The following STK11 variants were observed in gnomAD, a reference collection of about 807,000 sequenced individuals.
STK11 encodes serine/threonine-protein kinase STK11.
In STK11, 8 loss-of-function variants were observed where a neutral mutation model predicts 47.3. The ratio of observed to expected loss-of-function variants is 0.17; its 90% confidence interval spans 0.10 to 0.31. The LOEUF is 0.31. STK11 is among the 10% of genes least tolerant of loss of function. The pLI is 1.00. For missense variants in STK11, 475 were observed against 605.0 expected (o/e 0.79, Z 2.25); for synonymous variants, 330 against 255.8 (o/e 1.29, Z -2.77).
intron 1 of STK11, 127 bp downstream of exon 1, chr19:1,207,330 G>T: frequency 1.5e-6 from 2 of 1,305,450 alleles, no homozygotes; most frequent in Non-Finnish European, 2.1e-6. Context: ...GACCCGTCTG[G>T]CGCCTGTGTC....
At chr19:1,210,430 T>TGGG (rs901643256) in intron 1 of STK11, among the ~76,000 whole-genome samples, 6 of 151,026 alleles carry the variant, frequency 4.0e-5, no homozygotes, top group African/African-American at 1.5e-4. Flanking sequence ...CCAAGGGGGG[T>TGGG]GGGTTGGGGC....
At chr19:1,208,983 G>GT (rs2080690666) in intron 1 of STK11, among the ~76,000 whole-genome samples, 1 of 152,122 alleles carries the variant, frequency 6.6e-6, no homozygotes, top group Non-Finnish European at 1.5e-5. Context: ...AGGCTCTGAA[G>GT]TTTGTACTCT....
chr19:1,221,437 G>A (rs1348145745), intron 6 of STK11, 97 bp downstream of exon 6: 5 of 1,453,670 alleles, frequency 3.4e-6, no homozygotes, highest in East Asian at 2.5e-5. Flanking sequence ...TATTGGCCCC[G>A]AGACCCCAGC....
intron 8 of STK11, chr19:1,225,587 C>G (rs1457658036): frequency 3.0e-6 from 3 of 985,382 alleles, no homozygotes; most frequent in African/African-American, 3.5e-5. Flanking sequence ...TTTTTTAAAG[C>G]TAGTGACTTC....
chr19:1,218,997 G>T lies in STK11; in HGVS notation c.375-327G>T, dbSNP rs553561364. Reference sequence around the variant, plus strand: ...TGAGCCACGCGGTCAGGGGCCCTGGGACCGTCCTGCATGGGCCCGAGCCTG... The same window carrying T: ...TGAGCCACGCGGTCAGGGGCCCTGGTACCGTCCTGCATGGGCCCGAGCCTG... On this transcript the variant is annotated intron_variant, in intron 2 of 9. Transcript: ENST00000326873. 5.0e-4 allele frequency among the ~76,000 whole-genome samples: 76 copies of T among 152,278 alleles called. 1 individual carries two copies. Among genetic ancestry groups the T allele is most frequent in the African/African-American group, 1.6e-3 (67 of 41,556 alleles).
chr19:1,225,227 C>G (rs1450611552), intron 8 of STK11: 1 of 985,246 alleles, frequency 1.0e-6, no homozygotes, highest in African/African-American at 1.7e-5. Context: ...TGGGCCCAAG[C>G]TCAGACCTAT....
intron 1 of STK11, among the ~76,000 whole-genome samples, chr19:1,211,844 T>C (rs2080713155): frequency 6.6e-6 from 1 of 152,184 alleles, no homozygotes; most frequent in Non-Finnish European, 1.5e-5. Context: ...CTTGGACCTA[T>C]GGTAAAGAGG....
rs1367202702 is a variant in STK11 at position 1,207,024 on chromosome 19, G to A, written c.111G>A (p.Gln37=). The change falls in exon 1 of 10, where the codon CAG becomes CAA. Residue 37 remains glutamine, a synonymous_variant. Transcript: ENST00000326873. The part of the protein sequence containing the change: ...HRIDSTEVIY[Q]PRRKRAKLIG... ...TCGACTCCACCGAGGTCATCTACCA[G>A]CCGCGCCGCAAGCGGGCCAAGCTCA... is the stretch of plus-strand genomic sequence containing the variant. The A allele has an allele frequency of 6.2e-7, 1 of 1,613,712 alleles. No homozygotes were observed. Among genetic ancestry groups the A allele is most frequent in the African/African-American group, 1.3e-5 (1 of 74,912 alleles).
chr19:1,225,573 G>T, intron 8 of STK11: 1 of 985,510 alleles, frequency 1.0e-6, no homozygotes, highest in South Asian at 4.7e-5. Flanking sequence ...CCGGCCCAAG[G>T]TGCTTTTTTA....
At chr19:1,217,276 C>T (rs1414724498) in intron 1 of STK11, among the ~76,000 whole-genome samples, 1 of 152,012 alleles carries the variant, frequency 6.6e-6, no homozygotes. Context: ...TGCAGTAGCA[C>T]GATCACAGGT....
At position 1,223,141 on chromosome 19, in the gene STK11, C is replaced by T. The variant is rs1321578734; in HGVS notation, c.1077C>T (p.Asp359=). 4 of 1,611,914 alleles carry T rather than the reference C, an allele frequency of 2.5e-6. No homozygotes were observed. Among genetic ancestry groups the T allele is most frequent in the Non-Finnish European group, 3.4e-6 (4 of 1,179,570 alleles). ...AGGACCTCTTCGACATCGAGGATGA[C>T]ATCATCTACACTCAGGACTTCACGG... ...EDEDLFDIED[D]IIYTQDFTVP... Residue 359 remains aspartate (D), a synonymous_variant, in exon 8 of 10, where the codon GAC becomes GAT. Transcript: ENST00000326873.
Position 1,222,965 on chromosome 19 carries a change from CTGCT to C in STK11, c.921-18_921-15del, listed in dbSNP as rs752464256. On this transcript the variant is annotated splice_polypyrimidine_tract_variant and intron_variant, in intron 7 of 9. Transcript: ENST00000326873. ...CCTGGTGCCAGCCTGACAGGCGCCA[CTGCT>C]TCTGGGCGTTTGCAGCTGGTTCCGG... The C allele has an allele frequency of 8.5e-6, 13 of 1,529,542 alleles. No individual in the cohort carries two copies. The highest frequency in any genetic ancestry group is 1.4e-5 in the African/African-American group (1 of 72,682). 94.7% of individuals were successfully genotyped at this position (1,529,542 alleles called of 1,614,324 possible). A position where few individuals can be genotyped will look rare whatever the true frequency, so the allele number is the denominator to read the frequency against.
intron 1 of STK11, among the ~76,000 whole-genome samples, chr19:1,208,727 C>T (rs1001949545): frequency 6.7e-5 from 9 of 135,276 alleles, no homozygotes; most frequent in Admixed American, 8.4e-5. Flanking sequence ...AAGTGATTCT[C>T]GTGCCTCAGC....
chr19:1,223,189 C>T lies in STK11; in HGVS notation c.1108+17C>T, dbSNP rs1021130427. On this transcript the variant is annotated intron_variant, in intron 8 of 9. Coordinates refer to ENST00000326873, the MANE Select transcript of STK11 (RefSeq NM_000455.5). ...CGGTGCCCGGTGAGTCTGGCGGGGG[C>T]CCCTGCCCGGCTCTGCTGACTCGGC... is the stretch of plus-strand genomic sequence containing the variant. 2 of 1,598,972 alleles carry T rather than the reference C, an allele frequency of 1.3e-6. No individual in the cohort carries two copies. Among genetic ancestry groups the T allele is most frequent in the Non-Finnish European group, 8.5e-7 (1 of 1,175,118 alleles).
At chr19:1,221,481 T>G (rs988047587) in intron 6 of STK11, 141 bp downstream of exon 6, 2 of 1,324,378 alleles carry the variant, frequency 1.5e-6, no homozygotes, top group African/African-American at 1.5e-5. Flanking sequence ...GAGGCCGACC[T>G]CCCCGCAGGG....
rs900434717 is a variant in STK11 at position 1,223,651 on chromosome 19, G to A, written c.1108+479G>A. On this transcript the variant is annotated intron_variant, in intron 8 of 9. Transcript: ENST00000326873. ...CTTCTTCCCTAGGTGGCGAGGAGGC[G>A]TCTGAGGCAGGGCTTAGAGCGGAGC... 1.3e-5 allele frequency: 14 copies of A among 1,066,164 alleles called. No individual in the cohort carries two copies. Among genetic ancestry groups the A allele is most frequent in the Admixed American group, 4.8e-5 (1 of 20,628 alleles). The allele number at this position is 1,066,164 out of a possible 1,614,324, so 66.0% of individuals were successfully genotyped here. A position where few individuals can be genotyped will look rare whatever the true frequency, so the allele number is the denominator to read the frequency against.
Position 1,227,923 on chromosome 19 carries a change from G to A in STK11, c.*347G>A, listed in dbSNP as rs950829868. 567 of 1,070,066 alleles carry A rather than the reference G, an allele frequency of 5.3e-4. No individual in the cohort carries two copies. Among genetic ancestry groups the A allele is most frequent in the Non-Finnish European group, 6.2e-4 (549 of 882,254 alleles). The allele number at this position is 1,070,066 out of a possible 1,614,324, so 66.3% of individuals were successfully genotyped here. ...CCTCGTGCTCCGCAGGGCGCCCAGC[G>A]CCGTCCGGCGGCCCCGCCGCAGACC... On this transcript the variant is annotated 3_prime_UTR_variant, in exon 10 of 10. Coordinates refer to ENST00000326873, the MANE Select transcript of STK11 (RefSeq NM_000455.5).
At chr19:1,208,240 G>A (rs538808488) in intron 1 of STK11, among the ~76,000 whole-genome samples, 2 of 151,992 alleles carry the variant, frequency 1.3e-5, no homozygotes, top group East Asian at 1.9e-4. Context: ...CTGCTCAGGG[G>A]CCCTGGGGCT....
Position 1,227,977 on chromosome 19 carries a change from GACC to G in STK11, c.*402_*404del. 1 of 1,069,230 alleles carries G rather than the reference GACC, an allele frequency of 9.4e-7. No individual in the cohort carries two copies. Among genetic ancestry groups the G allele is most frequent in the South Asian group, 4.5e-5 (1 of 22,012 alleles). 66.2% of individuals were successfully genotyped at this position (1,069,230 alleles called of 1,614,324 possible). A position where few individuals can be genotyped will look rare whatever the true frequency, so the allele number is the denominator to read the frequency against. Reference sequence around the variant, plus strand: ...TGGCGGGTGTGGAGACCAGGCTCCTGACCCCGCCATGCATGCAGCGCCACCTGG... The same window carrying G: ...TGGCGGGTGTGGAGACCAGGCTCCTGCCGCCATGCATGCAGCGCCACCTGG... On this transcript the variant is annotated 3_prime_UTR_variant, in exon 10 of 10. Transcript: ENST00000326873.
Sources: gnomAD v4.1 joint callset for allele counts (sites outside exome capture counted in the v4.1 genomes callset) on GRCh38, gnomAD v4.1.1 for gene constraint, MANE v1.5 for transcripts, NCBI Gene and HGNC (gene_info 2026-07-23, HGNC 2026-07-21) for gene names.